The following ADAR variants were observed in gnomAD, a reference collection of about 807,000 sequenced individuals.
ADAR encodes the protein adenosine deaminase RNA specific, also known as double-stranded RNA-specific adenosine deaminase.
Under a neutral mutation model 113.2 loss-of-function variants are expected in ADAR, and 41 were observed. The ratio of observed to expected loss-of-function variants is 0.36; its 90% CI spans 0.28 to 0.47. ADAR has a LOEUF of 0.47. ADAR is among the 20% of genes least tolerant of loss of function. The probability of loss-of-function intolerance (pLI) is 1.00; values close to 1 mark genes in which losing one functional copy is unlikely to be tolerated. For missense variants in ADAR, 1,242 were observed against 1,540.9 expected, an observed-to-expected ratio of 0.81 and a Z score of 3.25; for synonymous variants, 605 against 572.6, an observed-to-expected ratio of 1.06 and a Z score of -0.81.
chr1:154,588,388 C>G (rs1013632004), intron 10 of ADAR, 130 bp from the exon 11 acceptor site: 9 of 1,500,674 alleles, frequency 6.0e-6, no homozygotes, highest in Non-Finnish European at 8.3e-6. Flanking sequence ...TGGAGGTGGA[C>G]AGCAGTACAT....
Position 154,596,949 on chromosome 1 carries a change from A to G in ADAR, c.2126T>C (p.Met709Thr). Reference sequence around the variant, plus strand: ...GCCAATCTTCCTGACCTTGTTGGGCATCATGGATTCCAAGTTATCAAGTGA... The same window carrying G: ...GCCAATCTTCCTGACCTTGTTGGGCGTCATGGATTCCAAGTTATCAAGTGA... The part of the protein sequence containing the change: ...SESLDNLESM[M>T]PNKVRKIGEL... The change falls in exon 6 of 15, where the codon ATG becomes ACG. Residue 709 changes from methionine (M) to threonine (T), a missense_variant. Met to Thr is a moderately conservative substitution (Grantham distance 81). Coordinates refer to ENST00000368474, the MANE Select transcript of ADAR (RefSeq NM_001111.5). 1 of 1,614,226 alleles carries G rather than the reference A, an allele frequency of 6.2e-7. No individual in the cohort carries two copies. Among genetic ancestry groups the G allele is most frequent in the Non-Finnish European group, 8.5e-7 (1 of 1,180,042 alleles).
intron 6 of ADAR, 49 bp from the exon 7 acceptor site, chr1:154,590,458 T>C (rs1697072257): frequency 6.4e-7 from 1 of 1,571,222 alleles, no homozygotes; most frequent in Non-Finnish European, 8.8e-7. Context: ...ACCCTGACAT[T>C]GTTCCAAGGA....
Position 154,584,747 on chromosome 1 carries a change from G to A in ADAR, c.*59C>T, listed in dbSNP as rs200722950. 10 of 1,394,310 alleles carry A rather than the reference G, an allele frequency of 7.2e-6. No individual in the cohort carries two copies. Among genetic ancestry groups the A allele is most frequent in the African/African-American group, 2.8e-5 (2 of 70,256 alleles). The allele number at this position is 1,394,310 out of a possible 1,614,324, so 86.4% of individuals were successfully genotyped here. On this transcript the variant is annotated 3_prime_UTR_variant, in exon 15 of 15. Coordinates refer to ENST00000368474, the MANE Select transcript of ADAR (RefSeq NM_001111.5). ...CTGACCATGTGATGAGGAATGCTACGACCTACCTCTCTCACACCCTAGTAT... is the reference window on the plus strand; with the variant it reads ...CTGACCATGTGATGAGGAATGCTACAACCTACCTCTCTCACACCCTAGTAT...
At chr1:154,603,936 G>C (rs1324184289) in intron 1 of ADAR, among the ~76,000 whole-genome samples, 4 of 152,002 alleles carry the variant, frequency 2.6e-5, no homozygotes, top group Non-Finnish European at 5.9e-5. Context: ...TCACTCTCAT[G>C]GTGTCCTGGC....
At chr1:154,587,977 C>G in intron 11 of ADAR, 148 bp downstream of exon 11, 1 of 1,257,178 alleles carries the variant, frequency 8.0e-7, no homozygotes, top group Non-Finnish European at 1.1e-6. Context: ...TACCACACAG[C>G]TCCCTGACCC....
At position 154,601,922 on chromosome 1, in the gene ADAR, ATCT is replaced by A. The variant is rs1391527451; in HGVS notation, c.717_719del (p.Glu239del). On this transcript the variant is annotated inframe_deletion, in exon 2 of 15. Transcript: ENST00000368474. The surrounding 1 kb of genome is among the most constrained non-coding windows in gnomAD (Gnocchi z 4.7). ...AGACTGCAATAAAAGGCTCAAGAAG[ATCT>A]TCTGAGACAGATGTGGAGTTTCTGT... The A allele has an allele frequency of 1.2e-6, 2 of 1,613,380 alleles. No individual in the cohort carries two copies. The highest frequency in any genetic ancestry group is 2.7e-5 in the African/African-American group (2 of 74,610).
At position 154,589,438 on chromosome 1, in the gene ADAR, G is replaced by GA. The variant is rs1303345485; in HGVS notation, c.2692dup (p.Ser898PhefsTer11). On this transcript the variant is annotated frameshift_variant, in exon 9 of 15. Coordinates refer to ENST00000368474, the MANE Select transcript of ADAR (RefSeq NM_001111.5). LOFTEE classifies it high-confidence loss of function. ...GACAGTTTCTCCTTTTAGGCTGAGA[G>GA]AATCTCCTTTCACACAGCGATTCCC... is the stretch of plus-strand genomic sequence containing the variant. 6.2e-7 allele frequency: 1 copy of GA among 1,613,840 alleles called. No individual in the cohort carries two copies. Among genetic ancestry groups the GA allele is most frequent in the African/African-American group, 1.3e-5 (1 of 74,918 alleles).
chr1:154,590,153 C>CCAA (rs1553209447), intron 7 of ADAR, 31 bp downstream of exon 7: 1 of 1,141,324 alleles, frequency 8.8e-7, no homozygotes, highest in East Asian at 3.0e-5. Context: ...CCCCCCGCCC[C>CCAA]AAAAAAGGCA....
chr1:154,590,580 A>G (rs1418462863), intron 6 of ADAR, among the ~76,000 whole-genome samples, 171 bp from the exon 7 acceptor site: 1 of 152,124 alleles, frequency 6.6e-6, no homozygotes, highest in Non-Finnish European at 1.5e-5. Context: ...GAATCACCAC[A>G]TGATTTGTGC....
chr1:154,619,518 T>C (rs1032357500), intron 1 of ADAR, among the ~76,000 whole-genome samples: 1 of 152,232 alleles, frequency 6.6e-6, no homozygotes, highest in African/African-American at 2.4e-5. Context: ...AGAGGTGGGC[T>C]AACCTGTGAT....
upstream of ADAR, among the ~76,000 whole-genome samples, chr1:154,608,492 C>CTTTTTTTT: frequency 1.1e-3 from 72 of 65,764 alleles, 3 homozygotes; most frequent in Non-Finnish European, 1.5e-3. Context: ...TCACTCCTGG[C>CTTTTTTTT]TTTTTTTTTT....
At chr1:154,590,135 A>AGGCGGGGGGGGGGGGGGGGGGGGGG in intron 7 of ADAR, 49 bp downstream of exon 7, 7 of 1,205,018 alleles carry the variant, frequency 5.8e-6, no homozygotes, top group Non-Finnish European at 6.0e-6. Flanking sequence ...CTTAGGAGTT[A>AGGCGGGGGGGGGGGGGGGGGGGGGG]GGAGGACCCC....
At chr1:154,591,800 G>A (rs1461926349) in intron 6 of ADAR, among the ~76,000 whole-genome samples, 1 of 152,184 alleles carries the variant, frequency 6.6e-6, no homozygotes, top group Non-Finnish European at 1.5e-5. Context: ...GTTCCTTGAT[G>A]ATCCGAAGCA....
intron 1 of ADAR, among the ~76,000 whole-genome samples, chr1:154,620,181 G>T (rs535696685): frequency 6.6e-6 from 1 of 152,316 alleles, no homozygotes; most frequent in South Asian, 2.1e-4. Flanking sequence ...GGCCAAGGCG[G>T]GTGGACCACA....
chr1:154,588,356 T>C, intron 10 of ADAR, 98 bp from the exon 11 acceptor site: 5 of 1,581,480 alleles, frequency 3.2e-6, no homozygotes, highest in South Asian at 1.1e-5. Context: ...AGGGATGTTT[T>C]CTAAGGCCTA....
rs751814000 is a variant in ADAR at position 154,584,796 on chromosome 1, C to G, written c.*10G>C. ...ATGACACACCCTAATCCATCTGTCA[C>G]TGGAGCATACTATACTGGGCAGAGA... On this transcript the variant is annotated 3_prime_UTR_variant, in exon 15 of 15. Transcript: ENST00000368474. 1 of 1,606,314 alleles carries G rather than the reference C, an allele frequency of 6.2e-7. No individual in the cohort carries two copies. The highest frequency in any genetic ancestry group is 8.5e-7 in the Non-Finnish European group (1 of 1,173,404).
intron 1 of ADAR, among the ~76,000 whole-genome samples, chr1:154,605,420 G>GT (rs1323942493): frequency 7.3e-6 from 1 of 137,928 alleles, no homozygotes; most frequent in African/African-American, 2.6e-5. Flanking sequence ...ACTTTCCCTC[G>GT]TATCAGAGCT....
At chr1:154,598,202 A>G (rs1309936938) in intron 3 of ADAR, among the ~76,000 whole-genome samples, 200 bp downstream of exon 3, 9 of 152,142 alleles carry the variant, frequency 5.9e-5, no homozygotes, top group African/African-American at 9.7e-5. Flanking sequence ...TGTAAATCCA[A>G]TTATGTTGGG....
At chr1:154,590,135 A>AGGGGGGGGGGGGGGGGGGG in intron 7 of ADAR, 49 bp downstream of exon 7, 1 of 1,205,038 alleles carries the variant, frequency 8.3e-7, no homozygotes, top group Non-Finnish European at 1.2e-6. Flanking sequence ...CTTAGGAGTT[A>AGGGGGGGGGGGGGGGGGGG]GGAGGACCCC....
Sources: gnomAD v4.1 joint callset for allele counts (sites outside exome capture counted in the v4.1 genomes callset) on GRCh38, gnomAD v4.1.1 for gene constraint, Gnocchi (gnomAD v3.1) non-coding constraint, MANE v1.5 for transcripts, NCBI Gene and HGNC (gene_info 2026-07-23, HGNC 2026-07-21) for gene names.